The following NPTN variants were observed in gnomAD, a reference collection of about 807,000 sequenced individuals.
NPTN encodes SDR-1.
NPTN carries 5 observed loss-of-function variants against 42.7 expected under a neutral mutation model. The ratio of observed to expected loss-of-function variants is 0.12; its 90% CI spans 0.06 to 0.25. NPTN has a LOEUF of 0.25. NPTN is among the 10% of genes least tolerant of loss of function. The pLI is 1.00. For missense variants in NPTN, 307 were observed against 525.4 expected (o/e 0.58, Z 4.06); for synonymous variants, 180 against 201.9 (o/e 0.89, Z 0.92).
intron 1 of NPTN, among the ~76,000 whole-genome samples, chr15:73,610,149 T>C (rs1212005579): frequency 6.6e-6 from 1 of 152,032 alleles, no homozygotes; most frequent in Non-Finnish European, 1.5e-5. Flanking sequence ...TGCAGTGGCA[T>C]GATCATAGCT....
intron 4 of NPTN, among the ~76,000 whole-genome samples, chr15:73,584,655 C>T (rs1254562679): frequency 6.6e-6 from 1 of 151,828 alleles, no homozygotes; most frequent in African/African-American, 2.4e-5. Context: ...TCCTGACCGG[C>T]CCTGCTCCAT....
chr15:73,612,420 CAAAAA>C (rs35226980), intron 1 of NPTN, among the ~76,000 whole-genome samples: 5 of 120,022 alleles, frequency 4.2e-5, no homozygotes, highest in Admixed American at 8.4e-5. Flanking sequence ...ATCCTGTCTC[CAAAAA>C]AAAAAAAAAA....
chr15:73,626,500 A>C (rs935667153), intron 1 of NPTN, among the ~76,000 whole-genome samples: 3 of 152,228 alleles, frequency 2.0e-5, no homozygotes, highest in African/African-American at 7.2e-5. Context: ...CAAGATATTT[A>C]GTAATTTTTA....
At chr15:73,596,217 C>G (rs563876116) in intron 2 of NPTN, among the ~76,000 whole-genome samples, 1 of 152,278 alleles carries the variant, frequency 6.6e-6, no homozygotes, top group Admixed American at 6.5e-5. Flanking sequence ...GAAGGAAGTC[C>G]CAGGCTGCTG....
intron 7 of NPTN, among the ~76,000 whole-genome samples, chr15:73,562,931 G>A (rs1436497414): frequency 6.6e-6 from 1 of 151,806 alleles, no homozygotes; most frequent in Non-Finnish European, 1.5e-5. Flanking sequence ...AAAACCGGGA[G>A]CCTCAGATAT....
chr15:73,601,359 GAGAAA>G (rs1311832431), intron 1 of NPTN, among the ~76,000 whole-genome samples: 1 of 152,120 alleles, frequency 6.6e-6, no homozygotes, highest in East Asian at 1.9e-4. Context: ...AAAGAGAAAA[GAGAAA>G]AGAACCCTCT....
At chr15:73,562,235 C>A (rs1021278001) in intron 7 of NPTN, among the ~76,000 whole-genome samples, 6 of 152,176 alleles carry the variant, frequency 3.9e-5, no homozygotes, top group Non-Finnish European at 1.5e-5. Context: ...ACCAGTTCAG[C>A]ATCCCTAATC....
chr15:73,620,836 G>C (rs1898099231), intron 1 of NPTN, among the ~76,000 whole-genome samples: 1 of 152,170 alleles, frequency 6.6e-6, no homozygotes, highest in Admixed American at 6.5e-5. Context: ...AACTGTATCG[G>C]TCTGAATTTG....
intron 3 of NPTN, among the ~76,000 whole-genome samples, chr15:73,589,239 G>A (rs1432323264): frequency 6.6e-6 from 1 of 152,090 alleles, no homozygotes; most frequent in Non-Finnish European, 1.5e-5. Flanking sequence ...CTACGAGGTG[G>A]GAGGATCACT....
At chr15:73,604,510 A>G (rs934355225) in intron 1 of NPTN, among the ~76,000 whole-genome samples, 3 of 152,142 alleles carry the variant, frequency 2.0e-5, no homozygotes, top group Non-Finnish European at 4.4e-5. Context: ...AAATATAACC[A>G]AAGTTTTGCA....
At chr15:73,576,358 T>C (rs997662413) in intron 4 of NPTN, among the ~76,000 whole-genome samples, 3 of 147,290 alleles carry the variant, frequency 2.0e-5, no homozygotes, top group African/African-American at 7.3e-5. Context: ...AGATGCAGTC[T>C]CTCTCTGTTG....
At chr15:73,576,659 C>A (rs181784394) in intron 4 of NPTN, among the ~76,000 whole-genome samples, 1 of 152,168 alleles carries the variant, frequency 6.6e-6, no homozygotes, top group East Asian at 1.9e-4. Flanking sequence ...GGCCAGGAAC[C>A]CCAAGTTATC....
chr15:73,570,414 T>C lies in NPTN; in HGVS notation c.850A>G (p.Asn284Asp). 1 of 1,611,586 alleles carries C rather than the reference T, an allele frequency of 6.2e-7. No individual in the cohort carries two copies. The highest frequency in any genetic ancestry group is 1.3e-5 in the African/African-American group (1 of 75,026). Residue 284 changes from asparagine (N) to aspartate (D), a missense_variant, in exon 6 of 9, where the codon AAT becomes GAT. Around this residue, in one of 2 missense-constraint regions of NPTN, gnomAD observed 264 missense variants for 491.1 expected, o/e 0.54. Coordinates refer to ENST00000345330, the MANE Select transcript of NPTN (RefSeq NM_012428.4). The surrounding 1 kb of genome is among the most constrained non-coding windows in gnomAD (Gnocchi z 4.0). ...ATGATGAAGAAGCGGCCAGAGGTAT[T>C]GACAATGTCCTGCAAAAAAGTGAGA... ...KENGMPMDIV[N>D]TSGRFFIINK... is the part of the protein sequence containing the mutation.
intron 4 of NPTN, among the ~76,000 whole-genome samples, chr15:73,575,040 A>G (rs1007654465): frequency 2.0e-5 from 3 of 152,144 alleles, no homozygotes; most frequent in African/African-American, 7.2e-5. Flanking sequence ...CTGGAGTGCA[A>G]TGGTGTGATC....
chr15:73,627,169 G>C lies in NPTN; in HGVS notation c.91+5956C>G, dbSNP rs989988082. On this transcript the variant is annotated intron_variant, in intron 1 of 8. Coordinates refer to ENST00000345330, the MANE Select transcript of NPTN (RefSeq NM_012428.4). ...GAGAATTGCTTGAACCCAGAAGGTGGAGGTTGCAGTGAGCTGAGATCATGC... is the reference window on the plus strand; with the variant it reads ...GAGAATTGCTTGAACCCAGAAGGTGCAGGTTGCAGTGAGCTGAGATCATGC... Among the ~76,000 whole-genome samples the C allele has an allele frequency of 3.3e-5, 5 of 152,168 alleles. No individual in the cohort carries two copies. In the South Asian group the frequency reaches 6.2e-4, roughly 19 times the overall value.
intron 1 of NPTN, among the ~76,000 whole-genome samples, chr15:73,619,643 C>T (rs1294852254): frequency 2.6e-5 from 4 of 152,134 alleles, no homozygotes; most frequent in East Asian, 1.9e-4. Flanking sequence ...GCATATTTAG[C>T]GTTATAAGCA....
rs540588664 is a variant in NPTN at position 73,573,599 on chromosome 15, C to T, written c.840+63G>A. On this transcript the variant is annotated intron_variant, in intron 5 of 8. Transcript: ENST00000345330. ...TACAGCTACTACAGTAACTGACCCA[C>T]GTGTCTGGACCTCTGCAGGGAAAAC... The T allele has an allele frequency of 1.1e-5, 16 of 1,486,660 alleles. No individual in the cohort carries two copies. The Admixed American group carries it at 3.0e-4, about 28-fold the overall frequency. 92.1% of individuals were successfully genotyped at this position (1,486,660 alleles called of 1,614,324 possible).
At chr15:73,607,252 CA>C (rs1348036642) in intron 1 of NPTN, among the ~76,000 whole-genome samples, 1 of 152,074 alleles carries the variant, frequency 6.6e-6, no homozygotes, top group African/African-American at 2.4e-5. Context: ...TTGAATAAAC[CA>C]TTCTCAAAAG....
chr15:73,632,800 G>A (rs903328329), intron 1 of NPTN: 16 of 278,676 alleles, frequency 5.7e-5, no homozygotes, highest in Non-Finnish European at 1.1e-4. Context: ...CTCCTCATCC[G>A]CCCCCGCTAC....
Sources: allele counts gnomAD v4.1 joint callset (sites outside exome capture counted in the v4.1 genomes callset), GRCh38; gene constraint gnomAD v4.1.1; regional missense constraint gnomAD v4.1.1; non-coding constraint Gnocchi (gnomAD v3.1); transcripts MANE v1.5; gene names NCBI Gene and HGNC (gene_info 2026-07-23, HGNC 2026-07-21).